The following TIA1 variants were observed in gnomAD, a reference collection of about 807,000 sequenced individuals.
The protein encoded by TIA1 is cytotoxic granule associated RNA binding protein TIA1.
A neutral mutation model predicts 65.9 loss-of-function variants in TIA1; 23 were observed. That is an observed-to-expected ratio of 0.35 (90% CI 0.25 to 0.49). The LOEUF (loss-of-function observed/expected upper bound fraction) is 0.49. Among genes scored for constraint, TIA1 ranks in the 20% least tolerant of loss-of-function variants. TIA1 has a pLI of 0.98. For missense variants in TIA1, 371 were observed against 477.9 expected, an observed-to-expected ratio of 0.78 and a Z score of 2.09; for synonymous variants, 147 against 149.4, an observed-to-expected ratio of 0.98 and a Z score of 0.12.
Position 70,227,794 on chromosome 2 carries a change from G to A in TIA1, c.339C>T (p.Leu113=), listed in dbSNP as rs1310209475. 2.1e-5 allele frequency: 34 copies of A among 1,598,220 alleles called. No individual in the cohort carries two copies. Among genetic ancestry groups the A allele is most frequent in the Non-Finnish European group, 2.9e-5 (34 of 1,170,272 alleles). ...QDHFHVFVGD[L]SPEITTEDIK... is the part of the protein sequence containing the mutation. ...TATCTTCAGTTGTAATTTCTGGGCT[G>A]AGATCACCAACAAAGACATGGAAAT... The change falls in exon 6 of 13, where the codon CTC becomes CTT. Residue 113 remains leucine (L), a synonymous_variant. Transcript: ENST00000433529.
At chr2:70,217,604 A>G (rs908402860) in intron 7 of TIA1, among the ~76,000 whole-genome samples, 1 of 152,006 alleles carries the variant, frequency 6.6e-6, no homozygotes, top group Non-Finnish European at 1.5e-5. Context: ...TCGCCATGTT[A>G]GCCAGGATGG....
At chr2:70,243,243 C>T (rs1310217939) in intron 1 of TIA1, among the ~76,000 whole-genome samples, 1 of 152,050 alleles carries the variant, frequency 6.6e-6, no homozygotes, top group Non-Finnish European at 1.5e-5. Context: ...CTGGGCAACA[C>T]AGTGAGATCG....
chr2:70,225,268 G>A (rs1376251355), intron 6 of TIA1: 1 of 1,184,424 alleles, frequency 8.4e-7, no homozygotes, highest in African/African-American at 1.6e-5. Context: ...AAAATTGATT[G>A]GAACTACAAG....
chr2:70,216,379 T>C, intron 9 of TIA1, 25 bp downstream of exon 9: 1 of 1,594,612 alleles, frequency 6.3e-7, no homozygotes, highest in South Asian at 1.1e-5. Flanking sequence ...TAAAAATTAA[T>C]GCCACACAGG....
chr2:70,211,783 TAC>T lies in TIA1; in HGVS notation c.*934_*935del, dbSNP rs1403530758. 1 of 151,958 alleles carries T rather than the reference TAC, an allele frequency of 6.6e-6. No individual in the cohort carries two copies. Among genetic ancestry groups the T allele is most frequent in the East Asian group, 1.9e-4 (1 of 5,200 alleles). 9.4% of individuals were successfully genotyped at this position (151,958 alleles called of 1,614,324 possible). A position where few individuals can be genotyped will look rare whatever the true frequency, so the allele number is the denominator to read the frequency against. ...GCATGATGCCTTGAAGGAAATGACA[TAC>T]AAAGTTTGCTAACTGTGCAAAATAT... On this transcript the variant is annotated 3_prime_UTR_variant, in exon 13 of 13. Transcript: ENST00000433529.
At chr2:70,234,319 T>C (rs535174643) in intron 2 of TIA1, among the ~76,000 whole-genome samples, 1 of 152,328 alleles carries the variant, frequency 6.6e-6, no homozygotes, top group East Asian at 1.9e-4. Context: ...AGTAAGGAGA[T>C]CTAGATTAAG....
chr2:70,240,449 G>A (rs559877138), intron 1 of TIA1, among the ~76,000 whole-genome samples: 2 of 152,332 alleles, frequency 1.3e-5, no homozygotes, highest in South Asian at 4.1e-4. Flanking sequence ...GAATAAAAGG[G>A]AGTGGTGGCA....
Position 70,210,992 on chromosome 2 carries a change from T to C in TIA1, c.*1727A>G, listed in dbSNP as rs974536924. 1.3e-4 allele frequency: 20 copies of C among 152,184 alleles called. No homozygotes were observed. The highest frequency in any genetic ancestry group is 1.2e-3 in the Admixed American group (19 of 15,278). The allele number at this position is 152,184 out of a possible 1,614,324, so 9.4% of individuals were successfully genotyped here. On this transcript the variant is annotated 3_prime_UTR_variant, in exon 13 of 13. Transcript: ENST00000433529. ...TCCTGGGCTCTGGTTTATAAGGGTA[T>C]TGGCTTAGAGACCAGCTTGGAGTCA...
intron 12 of TIA1, among the ~76,000 whole-genome samples, chr2:70,213,104 T>C (rs1195052722): frequency 6.6e-6 from 1 of 152,142 alleles, no homozygotes; most frequent in African/African-American, 2.4e-5. Flanking sequence ...CCTGAACTTA[T>C]CAACATTCAT....
In TIA1 at chr2:70,239,206, C is replaced by A. The variant is rs112632217; in HGVS notation, c.27-3031G>T. ...CTCCTGAGTTCACGCCATTCTCCTGCCTCAGCCTCCCGAGTAGCTGGGACT... is the reference window on the plus strand; with the variant it reads ...CTCCTGAGTTCACGCCATTCTCCTGACTCAGCCTCCCGAGTAGCTGGGACT... On this transcript the variant is annotated intron_variant, in intron 1 of 12. Coordinates refer to ENST00000433529, the MANE Select transcript of TIA1 (RefSeq NM_022173.4). Among the ~76,000 whole-genome samples, 936 of 152,252 alleles carry A rather than the reference C, an allele frequency of 6.1e-3. 11 individuals carry two copies. Among genetic ancestry groups the A allele is most frequent in the African/African-American group, 0.022 (899 of 41,548 alleles).
intron 1 of TIA1, among the ~76,000 whole-genome samples, chr2:70,244,103 A>G (rs1693123474): frequency 6.6e-6 from 1 of 151,558 alleles, no homozygotes; most frequent in Non-Finnish European, 1.5e-5. Context: ...TACTACATTT[A>G]CTCTCTTCAG....
rs1371219354 is a variant in TIA1 at position 70,211,699 on chromosome 2, T to A, written c.*1020A>T. 6.6e-6 allele frequency: 1 copy of A among 152,642 alleles called. No individual in the cohort carries two copies. Among genetic ancestry groups the A allele is most frequent in the Non-Finnish European group, 1.5e-5 (1 of 68,040 alleles). 9.5% of individuals were successfully genotyped at this position (152,642 alleles called of 1,614,324 possible). ...ACTTTGTATTCAAAGACTACCAAAGTATGTATTTGATTTTCACATGCAAAC... is the reference window on the plus strand; with the variant it reads ...ACTTTGTATTCAAAGACTACCAAAGAATGTATTTGATTTTCACATGCAAAC... On this transcript the variant is annotated 3_prime_UTR_variant, in exon 13 of 13. Transcript: ENST00000433529.
chr2:70,246,256 T>C (rs1159699728), intron 1 of TIA1, among the ~76,000 whole-genome samples: 2 of 152,268 alleles, frequency 1.3e-5, no homozygotes, highest in Non-Finnish European at 2.9e-5. Flanking sequence ...AATGTATTGA[T>C]TACTTACCAT....
At chr2:70,228,795 A>C (rs1420182496) in intron 5 of TIA1, 1 of 1,365,348 alleles carries the variant, frequency 7.3e-7, no homozygotes, top group East Asian at 2.8e-5. Context: ...TCAAGAAAGG[A>C]GGGTATTTTG....
At chr2:70,234,432 T>A (rs1171872579) in intron 2 of TIA1, among the ~76,000 whole-genome samples, 1 of 152,236 alleles carries the variant, frequency 6.6e-6, no homozygotes, top group East Asian at 1.9e-4. Context: ...GGCATACCGA[T>A]ATTAAATGTG....
At chr2:70,242,178 T>A (rs1020535512) in intron 1 of TIA1, among the ~76,000 whole-genome samples, 2 of 151,960 alleles carry the variant, frequency 1.3e-5, no homozygotes, top group Admixed American at 1.3e-4. Context: ...AAAACAAAAC[T>A]CTGTACTATC....
At chr2:70,241,080 GTTGATGAAACC>G (rs1691464492) in intron 1 of TIA1, among the ~76,000 whole-genome samples, 1 of 152,164 alleles carries the variant, frequency 6.6e-6, no homozygotes. Flanking sequence ...GCTCACATTA[GTTGATGAAACC>G]TTAAAAGGGG....
chr2:70,226,630 A>C lies in TIA1; in HGVS notation c.398+1105T>G, dbSNP rs577978425. Among the ~76,000 whole-genome samples, 6 of 152,288 alleles carry C rather than the reference A, an allele frequency of 3.9e-5. No individual in the cohort carries two copies. In the South Asian group the frequency reaches 1.2e-3, roughly 32 times the overall value. ...AAAATGAAAACACAAAATTGTGCAT[A>C]GAGATTTAGAGCCCTTGAGAGGCCA... On this transcript the variant is annotated intron_variant, in intron 6 of 12. Transcript: ENST00000433529.
intron 2 of TIA1, among the ~76,000 whole-genome samples, chr2:70,234,305 G>C (rs1687830586): frequency 6.6e-6 from 1 of 152,154 alleles, no homozygotes; most frequent in Non-Finnish European, 1.5e-5. Flanking sequence ...CTACCATTGG[G>C]ATAAGTAAGG....
Sources: allele counts gnomAD v4.1 joint callset (sites outside exome capture counted in the v4.1 genomes callset), GRCh38; gene constraint gnomAD v4.1.1; transcripts MANE v1.5; gene names NCBI Gene and HGNC (gene_info 2026-07-23, HGNC 2026-07-21).